The following FGF14 variants were observed in gnomAD, a reference collection of about 807,000 sequenced individuals.
The protein encoded by FGF14 is fibroblast growth factor 14, also known as fibroblast growth factor homologous factor 4.
In FGF14, 5 loss-of-function variants were observed where a neutral mutation model predicts 25.5. The observed-to-expected ratio is 0.20, with a 90% CI of 0.10 to 0.41. FGF14 has a LOEUF of 0.41. Among genes scored for constraint, FGF14 ranks in the 10% least tolerant of loss-of-function variants. The pLI, the probability that FGF14 is intolerant of heterozygous loss-of-function variation, is 1.00. For synonymous variants in FGF14, 138 were observed against 118.3 expected (o/e 1.17, Z -1.08); for missense variants, 222 against 320.1 (o/e 0.69, Z 2.34).
chr13:101,912,749 T>C (rs967145638), intron 1 of FGF14, among the ~76,000 whole-genome samples: 1 of 152,162 alleles, frequency 6.6e-6, no homozygotes, highest in Non-Finnish European at 1.5e-5. Context: ...TTAGGGAAAG[T>C]AAAAAAGGTA....
chr13:102,248,347 A>C (rs2051991163), intron 1 of FGF14, among the ~76,000 whole-genome samples: 1 of 152,206 alleles, frequency 6.6e-6, no homozygotes, highest in Admixed American at 6.6e-5. Flanking sequence ...TTTGACTCTT[A>C]GAAATTATTA....
At chr13:101,984,608 T>G (rs1323170184) in intron 1 of FGF14, among the ~76,000 whole-genome samples, 1 of 152,178 alleles carries the variant, frequency 6.6e-6, no homozygotes, top group Non-Finnish European at 1.5e-5. Flanking sequence ...ATTTAACCAT[T>G]TTTAACCAGC....
intron 1 of FGF14, among the ~76,000 whole-genome samples, chr13:102,341,224 CAGAGT>C (rs2138904618): frequency 6.6e-6 from 1 of 152,112 alleles, no homozygotes; most frequent in East Asian, 1.9e-4. Flanking sequence ...AATAGCTTTA[CAGAGT>C]AGAGAAAATG....
chr13:101,929,107 G>T lies in FGF14; in HGVS notation c.209-53811C>A, dbSNP rs189706078. On this transcript the variant is annotated intron_variant, in intron 1 of 4. Coordinates refer to the FGF14 transcript ENST00000376131. ...AACTCTGCACCACTGTACTTGACCC[G>T]GCATTCAGGCATCTCCCCTTGAGTG... Among the ~76,000 whole-genome samples, 129 of 152,200 alleles carry T rather than the reference G, an allele frequency of 8.5e-4. 1 individual carries two copies. Among genetic ancestry groups the T allele is most frequent in the African/African-American group, 2.9e-3 (119 of 41,524 alleles).
chr13:102,200,236 C>A (rs1017532358), intron 1 of FGF14, among the ~76,000 whole-genome samples: 7 of 152,094 alleles, frequency 4.6e-5, no homozygotes, highest in Admixed American at 6.5e-5. Flanking sequence ...TATATTTATG[C>A]ATGAATATAT....
intron 1 of FGF14, among the ~76,000 whole-genome samples, chr13:102,287,905 A>T (rs1271557100): frequency 6.6e-6 from 1 of 152,212 alleles, no homozygotes; most frequent in Non-Finnish European, 1.5e-5. Context: ...TGCCTGGCAC[A>T]CAGTAGGCAT....
At chr13:101,943,444 G>C (rs969007582) in intron 1 of FGF14, among the ~76,000 whole-genome samples, 1 of 152,154 alleles carries the variant, frequency 6.6e-6, no homozygotes, top group African/African-American at 2.4e-5. Flanking sequence ...AGGGGGAAGA[G>C]GTGTTACTGA....
intron 3 of FGF14, among the ~76,000 whole-genome samples, chr13:101,734,541 T>G (rs1403366977): frequency 6.6e-6 from 1 of 152,148 alleles, no homozygotes; most frequent in Non-Finnish European, 1.5e-5. Flanking sequence ...TAGCCAAAAA[T>G]TCACAAAATA....
At chr13:102,050,974 G>A (rs2042192422) in intron 1 of FGF14, among the ~76,000 whole-genome samples, 1 of 152,158 alleles carries the variant, frequency 6.6e-6, no homozygotes, top group Non-Finnish European at 1.5e-5. Flanking sequence ...CCAGAGACAG[G>A]TATGGCTGCA....
intron 3 of FGF14, among the ~76,000 whole-genome samples, chr13:101,835,469 T>C (rs1485958142): frequency 2.0e-5 from 3 of 152,074 alleles, no homozygotes; most frequent in Non-Finnish European, 2.9e-5. Context: ...TGCTCTTATA[T>C]TTTTCCAATT....
chr13:101,841,510 T>C (rs1025222326), intron 3 of FGF14, among the ~76,000 whole-genome samples: 3 of 152,048 alleles, frequency 2.0e-5, no homozygotes, highest in African/African-American at 7.2e-5. Flanking sequence ...TATTTACTAC[T>C]GAGCATACAT....
At chr13:102,052,644 G>GAA (rs111895910) in intron 1 of FGF14, among the ~76,000 whole-genome samples, 6 of 147,530 alleles carry the variant, frequency 4.1e-5, no homozygotes, top group African/African-American at 1.5e-4. Flanking sequence ...AAGTGGTGAA[G>GAA]AAAAAAAAAA....
At chr13:101,858,384 T>TA (rs1310196897) in intron 3 of FGF14, among the ~76,000 whole-genome samples, 7 of 152,210 alleles carry the variant, frequency 4.6e-5, no homozygotes, top group African/African-American at 1.4e-4. Context: ...GTTTCAATGT[T>TA]ACAGTTGATT....
chr13:102,087,489 G>A (rs1595227466), intron 1 of FGF14, among the ~76,000 whole-genome samples: 2 of 128,750 alleles, frequency 1.6e-5, no homozygotes, highest in Non-Finnish European at 3.1e-5. Flanking sequence ...TCGGCTCATT[G>A]CAAGCTCTGC....
chr13:102,291,182 G>A (rs1011921839), intron 1 of FGF14, among the ~76,000 whole-genome samples: 6 of 152,142 alleles, frequency 3.9e-5, no homozygotes, highest in Non-Finnish European at 8.8e-5. Flanking sequence ...TCAGCCACAC[G>A]CTGTTGAAAA....
At chr13:101,931,970 G>A (rs2034781380) in intron 1 of FGF14, among the ~76,000 whole-genome samples, 1 of 152,140 alleles carries the variant, frequency 6.6e-6, no homozygotes, top group African/African-American at 2.4e-5. Flanking sequence ...GTGTGTCTTG[G>A]TTATAAGAAC....
intron 1 of FGF14, among the ~76,000 whole-genome samples, chr13:101,954,001 A>G (rs17587351): frequency 0.052 from 7,963 of 152,256 alleles, 315 homozygotes; most frequent in Middle Eastern, 0.078. Context: ...GAATAACTAG[A>G]GATTGCTTGA....
chr13:101,934,339 T>C (rs2034961551), intron 1 of FGF14, among the ~76,000 whole-genome samples: 1 of 152,172 alleles, frequency 6.6e-6, no homozygotes. Flanking sequence ...CATCATTATG[T>C]TGAGCAGTTA....
chr13:102,053,028 T>C (rs1417747022), intron 1 of FGF14, among the ~76,000 whole-genome samples: 6 of 152,056 alleles, frequency 3.9e-5, no homozygotes. Context: ...AAAAGCCTTA[T>C]GGTAACCACA....
Sources: gnomAD v4.1 joint callset for allele counts (sites outside exome capture counted in the v4.1 genomes callset) on GRCh38, gnomAD v4.1.1 for gene constraint, MANE v1.5 for transcripts, NCBI Gene and HGNC (gene_info 2026-07-23, HGNC 2026-07-21) for gene names.